Variants in INSIG1 observed in about 807,000 individuals in gnomAD.
INSIG1 encodes the protein insulin-induced gene 1 protein.
In INSIG1, 14 loss-of-function variants were observed where a neutral mutation model predicts 26.5. The ratio of observed to expected loss-of-function variants is 0.53; its 90% confidence interval spans 0.35 to 0.83. The LOEUF is 0.83. INSIG1 is among the 40% of genes least tolerant of loss of function. INSIG1 has a pLI of 0.01. For synonymous variants in INSIG1, 147 were observed against 153.3 expected, an observed-to-expected ratio of 0.96 and a Z score of 0.30; for missense variants, 272 against 368.9, an observed-to-expected ratio of 0.74 and a Z score of 2.15.
chr7:155,306,119 C>A (rs886957543), intron 5 of INSIG1, among the ~76,000 whole-genome samples: 1 of 152,196 alleles, frequency 6.6e-6, no homozygotes, highest in Non-Finnish European at 1.5e-5. Context: ...CCTGCCTCAG[C>A]CTCCCAAGTA....
intron 5 of INSIG1, among the ~76,000 whole-genome samples, chr7:155,307,467 C>A (rs1797967979): frequency 6.6e-6 from 1 of 152,202 alleles, no homozygotes; most frequent in Non-Finnish European, 1.5e-5. Context: ...TTAGCAGAAG[C>A]TCCGTGGCCT....
In INSIG1 at chr7:155,302,454, T is replaced by C. The variant is rs1275412573; in HGVS notation, c.704+37T>C. On this transcript the variant is annotated intron_variant, in intron 4 of 5. Transcript: ENST00000340368. The surrounding 1 kb of genome is among the most constrained non-coding windows in gnomAD (Gnocchi z 4.3). ...TTTTCAAATATTGGCTTTGGAAAGC[T>C]TACTTAACTTTCATTAAAACATCCA... 4 of 1,525,070 alleles carry C rather than the reference T, an allele frequency of 2.6e-6. No individual in the cohort carries two copies. The highest frequency in any genetic ancestry group is 3.5e-6 in the Non-Finnish European group (4 of 1,134,276). 94.5% of individuals were successfully genotyped at this position (1,525,070 alleles called of 1,614,324 possible).
At chr7:155,305,223 C>T (rs62471642) in intron 5 of INSIG1, among the ~76,000 whole-genome samples, 1 of 151,802 alleles carries the variant, frequency 6.6e-6, no homozygotes, top group African/African-American at 2.4e-5. Context: ...ATGAAACTGA[C>T]CTCTGAGGTT....
chr7:155,301,981 A>G, intron 3 of INSIG1, among the ~76,000 whole-genome samples: 1 of 147,784 alleles, frequency 6.8e-6, no homozygotes, highest in African/African-American at 2.5e-5. Flanking sequence ...TTATATAAAT[A>G]TATATAAGCA....
chr7:155,302,600 G>A lies in INSIG1; in HGVS notation c.705-147G>A, dbSNP rs1180528287. The A allele has an allele frequency of 2.2e-6, 2 of 897,012 alleles. No homozygotes were observed. Among genetic ancestry groups the A allele is most frequent in the East Asian group, 2.5e-5 (1 of 39,436 alleles). 55.6% of individuals were successfully genotyped at this position (897,012 alleles called of 1,614,324 possible). ...ATGTAACGCAAAGGAAAACCAAGTA[G>A]TAGCAGTTACAACCAAACAAATATG... On this transcript the variant is annotated intron_variant, in intron 4 of 5. Transcript: ENST00000340368. The surrounding 1 kb of genome is among the most constrained non-coding windows in gnomAD (Gnocchi z 4.3).
intron 5 of INSIG1, among the ~76,000 whole-genome samples, chr7:155,303,314 G>A (rs934858099): frequency 2.0e-5 from 3 of 152,194 alleles, no homozygotes; most frequent in Non-Finnish European, 2.9e-5. Context: ...CAAGCAAATC[G>A]AGCCTGAGGC....
intron 5 of INSIG1, among the ~76,000 whole-genome samples, chr7:155,304,619 A>C (rs115264790): frequency 0.01 from 1,534 of 152,340 alleles, 21 homozygotes; most frequent in African/African-American, 0.035. Flanking sequence ...CACAACATTC[A>C]TAAGTTCTAA....
At position 155,308,721 on chromosome 7, in the gene INSIG1, A is replaced by T. The variant is rs766734129; in HGVS notation, c.*451A>T. The T allele has an allele frequency of 1.9e-4, 30 of 156,536 alleles. No homozygotes were observed. Among genetic ancestry groups the T allele is most frequent in the Non-Finnish European group, 3.1e-4 (22 of 70,614 alleles). 9.7% of individuals were successfully genotyped at this position (156,536 alleles called of 1,614,324 possible). On this transcript the variant is annotated 3_prime_UTR_variant, in exon 6 of 6. Coordinates refer to ENST00000340368, the MANE Select transcript of INSIG1 (RefSeq NM_005542.6). The stretch of plus-strand genomic sequence containing the variant: ...AATAATATTTATCCAAAAGATTTTT[A>T]AAAATAGGGCTGTGTTTAAAAAAAA...
Position 155,302,647 on chromosome 7 carries a change from T to C in INSIG1, c.705-100T>C. On this transcript the variant is annotated intron_variant, in intron 4 of 5. Transcript: ENST00000340368. The surrounding 1 kb of genome is among the most constrained non-coding windows in gnomAD (Gnocchi z 4.3). ...TATGAACATTCGTAACATTGGATGG[T>C]TGATATGCGTTCTGCATATCCCCAC... The C allele has an allele frequency of 1.1e-6, 1 of 930,328 alleles. No homozygotes were observed. The allele number at this position is 930,328 out of a possible 1,614,324, so 57.6% of individuals were successfully genotyped here.
intron 5 of INSIG1, among the ~76,000 whole-genome samples, chr7:155,303,439 GTGA>G (rs575319429): frequency 6.3e-4 from 96 of 152,320 alleles, no homozygotes; most frequent in African/African-American, 2.3e-3. Flanking sequence ...TGGAGAAGTG[GTGA>G]TGAGAGCACC....
chr7:155,303,781 A>AG, intron 5 of INSIG1: 2 of 1,135,910 alleles, frequency 1.8e-6, no homozygotes, highest in Non-Finnish European at 2.4e-6. Context: ...AACTTATCTT[A>AG]GTACCTCATG....
chr7:155,302,446 T>G lies in INSIG1; in HGVS notation c.704+29T>G. The G allele has an allele frequency of 6.5e-7, 1 of 1,543,082 alleles. No homozygotes were observed. Among genetic ancestry groups the G allele is most frequent in the South Asian group, 1.3e-5 (1 of 79,650 alleles). On this transcript the variant is annotated intron_variant, in intron 4 of 5. Coordinates refer to ENST00000340368, the MANE Select transcript of INSIG1 (RefSeq NM_005542.6). The surrounding 1 kb of genome is among the most constrained non-coding windows in gnomAD (Gnocchi z 4.3). ...AGTGTGTGTTTTCAAATATTGGCTT[T>G]GGAAAGCTTACTTAACTTTCATTAA...
At chr7:155,307,057 T>C (rs1288096514) in intron 5 of INSIG1, among the ~76,000 whole-genome samples, 2 of 152,218 alleles carry the variant, frequency 1.3e-5, no homozygotes, top group African/African-American at 4.8e-5. Context: ...GGGAGTCAAA[T>C]GTGATGACCA....
rs115993030 is a variant in INSIG1, at chr7:155,308,359, G to A, written c.*89G>A. The A allele has an allele frequency of 2.3e-3, 3,462 of 1,483,820 alleles. 69 individuals carry two copies. The African/African-American group carries it at 0.043, about 19-fold the overall frequency. 91.9% of individuals were successfully genotyped at this position (1,483,820 alleles called of 1,614,324 possible). ...TGACAAAGATTATCTTTTTTCTTAAGTAATCTATTTAGATCGGGCTGACTG... is the reference window on the plus strand; with the variant it reads ...TGACAAAGATTATCTTTTTTCTTAAATAATCTATTTAGATCGGGCTGACTG... On this transcript the variant is annotated 3_prime_UTR_variant, in exon 6 of 6. Coordinates refer to ENST00000340368, the MANE Select transcript of INSIG1 (RefSeq NM_005542.6).
intron 2 of INSIG1, among the ~76,000 whole-genome samples, chr7:155,299,921 G>A (rs1464681598): frequency 6.6e-6 from 1 of 152,136 alleles, no homozygotes; most frequent in Non-Finnish European, 1.5e-5. Context: ...ACTGAAAACA[G>A]CAAGCAGCAG....
chr7:155,305,499 T>C (rs1177158527), intron 5 of INSIG1, among the ~76,000 whole-genome samples: 1 of 152,186 alleles, frequency 6.6e-6, no homozygotes, highest in Non-Finnish European at 1.5e-5. Context: ...TACTGTTGAC[T>C]CACAAAATGG....
At chr7:155,301,473 G>C in intron 2 of INSIG1, 93 bp from the exon 3 acceptor site, 1 of 1,153,554 alleles carries the variant, frequency 8.7e-7, no homozygotes, top group Non-Finnish European at 1.2e-6. Context: ...GAAAAGGACT[G>C]GTTTGAGTAA....
At chr7:155,303,889 A>C (rs1797861547) in intron 5 of INSIG1, 1 of 1,364,330 alleles carries the variant, frequency 7.3e-7, no homozygotes, top group African/African-American at 1.5e-5. Context: ...ACCAGAAGTA[A>C]TTACAGGTAG....
chr7:155,304,766 CCTTA>C (rs1198092184), intron 5 of INSIG1, among the ~76,000 whole-genome samples: 4 of 152,262 alleles, frequency 2.6e-5, no homozygotes, highest in East Asian at 3.9e-4. Flanking sequence ...TTATAATTCT[CCTTA>C]CTTCAGCTTT....
Sources: gnomAD v4.1 joint callset for allele counts (sites outside exome capture counted in the v4.1 genomes callset) on GRCh38, gnomAD v4.1.1 for gene constraint, Gnocchi (gnomAD v3.1) non-coding constraint, MANE v1.5 for transcripts, NCBI Gene and HGNC (gene_info 2026-07-23, HGNC 2026-07-21) for gene names.